The following PCDH11X variants were observed in gnomAD, a reference collection of about 807,000 sequenced individuals.
PCDH11X encodes the protein protocadherin-11 X-linked.
In PCDH11X, 18 loss-of-function variants were observed where a neutral mutation model predicts 53.3. The ratio of observed to expected loss-of-function variants is 0.34; its 90% CI spans 0.23 to 0.50. The LOEUF (loss-of-function observed/expected upper bound fraction) is 0.50, where lower values mean the gene tolerates loss of function less well. Among genes scored for constraint, PCDH11X ranks in the 20% least tolerant of loss-of-function variants. The pLI, the probability that PCDH11X is intolerant of heterozygous loss-of-function variation, is 0.98. For synonymous variants in PCDH11X, 279 were observed against 393.3 expected (o/e 0.71, Z 3.44); for missense variants, 570 against 1,032.4 (o/e 0.55, Z 6.14).
At chrX:91,817,082 A>G (rs1569393480) in intron 4 of PCDH11X, among the ~76,000 whole-genome samples, 1 of 111,279 alleles carries the variant, frequency 9.0e-6, no homozygotes. Context: ...ATTTTGGTAT[A>G]TTACCACTTC....
At chrX:92,143,664 T>C (rs961548201) in intron 6 of PCDH11X, among the ~76,000 whole-genome samples, 1 of 112,154 alleles carries the variant, frequency 8.9e-6, no homozygotes, top group East Asian at 2.8e-4. Flanking sequence ...AGGGGCGGGG[T>C]ACTCATGGAG....
chrX:91,873,771 C>T (rs974314627), intron 5 of PCDH11X, among the ~76,000 whole-genome samples: 3 of 111,361 alleles, frequency 2.7e-5, no homozygotes, highest in East Asian at 2.8e-4. Flanking sequence ...TAATTGGCTC[C>T]GAAACTTAAG....
intron 10 of PCDH11X, among the ~76,000 whole-genome samples, chrX:92,546,360 C>T (rs2074854852): frequency 1.8e-5 from 2 of 111,491 alleles, no homozygotes; most frequent in African/African-American, 6.5e-5. Flanking sequence ...GAGAAGACTG[C>T]ATTGATTTAA....
intron 7 of PCDH11X, among the ~76,000 whole-genome samples, chrX:92,211,836 A>C: frequency 9.0e-6 from 1 of 111,032 alleles, no homozygotes. Flanking sequence ...ACCCCAAAGG[A>C]AGATTTAGAT....
At chrX:92,300,970 G>C (rs746535950) in intron 8 of PCDH11X, among the ~76,000 whole-genome samples, 1 of 111,791 alleles carries the variant, frequency 8.9e-6, no homozygotes, top group Admixed American at 9.5e-5. Flanking sequence ...GCACAGTAGG[G>C]TGTATGTGCA....
At chrX:92,266,965 G>A (rs1433036578) in intron 8 of PCDH11X, among the ~76,000 whole-genome samples, 7 of 110,279 alleles carry the variant, frequency 6.3e-5, no homozygotes, top group African/African-American at 1.7e-4. Flanking sequence ...GGCTGGTCTC[G>A]AACTCCTGAC....
intron 6 of PCDH11X, among the ~76,000 whole-genome samples, chrX:92,066,996 T>C (rs1386372987): frequency 8.9e-6 from 1 of 111,887 alleles, no homozygotes; most frequent in East Asian, 2.8e-4. Flanking sequence ...TCCAGCTACT[T>C]GGGAGGCTGA....
chrX:92,005,185 A>C (rs2062578587), intron 6 of PCDH11X, among the ~76,000 whole-genome samples: 1 of 110,840 alleles, frequency 9.0e-6, no homozygotes, highest in Admixed American at 9.6e-5. Flanking sequence ...CAGTCTATTT[A>C]CATTTAATGT....
chrX:92,266,831 A>C (rs1485411145), intron 8 of PCDH11X, among the ~76,000 whole-genome samples: 1 of 107,296 alleles, frequency 9.3e-6, no homozygotes, highest in Non-Finnish European at 1.9e-5. Flanking sequence ...TGCAACCTCT[A>C]CCTCCCAGGT....
chrX:92,233,731 C>T (rs1237184725), intron 7 of PCDH11X, among the ~76,000 whole-genome samples: 1 of 112,111 alleles, frequency 8.9e-6, no homozygotes. Flanking sequence ...AAAGTAGCTA[C>T]ACTAGCCACA....
chrX:92,352,558 A>G (rs2070080143), intron 8 of PCDH11X, among the ~76,000 whole-genome samples: 1 of 110,524 alleles, frequency 9.0e-6, no homozygotes, highest in South Asian at 3.8e-4. Context: ...ATGTTAAGGA[A>G]CCTTGTTTCT....
At chrX:92,418,499 C>A (rs946059895) in intron 9 of PCDH11X, among the ~76,000 whole-genome samples, 16 of 110,192 alleles carry the variant, frequency 1.5e-4, no homozygotes, top group African/African-American at 4.6e-4. Context: ...TTTGTATTGC[C>A]CCTTTTCATT....
intron 6 of PCDH11X, among the ~76,000 whole-genome samples, chrX:92,147,821 T>TTTCTTTCTTTCTTTTTCTTTCTTTCTTTC (rs2065300787): frequency 1.1e-5 from 1 of 90,131 alleles, no homozygotes; most frequent in Non-Finnish European, 2.1e-5. Context: ...CTTTCTTTCT[T>TTTCTTTCTTTCTTTTTCTTTCTTTCTTTC]TCTTTCTTTC....
intron 6 of PCDH11X, among the ~76,000 whole-genome samples, chrX:91,914,982 A>C (rs1350534718): frequency 1.2e-4 from 13 of 110,686 alleles, no homozygotes; most frequent in Non-Finnish European, 2.5e-4. Context: ...AAGAATCTTA[A>C]GAGCTGTGAG....
Position 92,045,849 on chromosome X carries a change from G to T in PCDH11X, c.3034-155526G>T, listed in dbSNP as rs191230197. ...CAGCTACTGGGGGGCTGAGGCAGGA[G>T]GATCGCTTGAACCTGGAAGGCCGAG... On this transcript the variant is annotated intron_variant, in intron 6 of 10. Coordinates refer to ENST00000682573, the MANE Select transcript of PCDH11X (RefSeq NM_032968.5). Among the ~76,000 whole-genome samples the T allele has an allele frequency of 2.8e-5, 3 of 108,664 alleles. No individual in the cohort carries two copies. The East Asian group carries it at 8.8e-4, about 32-fold the overall frequency. 94.4% of individuals were successfully genotyped at this position (108,664 alleles called of 115,157 possible).
At chrX:91,886,986 AG>A (rs67357184) in intron 6 of PCDH11X, among the ~76,000 whole-genome samples, 11,875 of 86,782 alleles carry the variant, frequency 0.14, 1,236 homozygotes, top group East Asian at 0.19. Flanking sequence ...AAAAAAAAAA[AG>A]AAAAGAAAAG....
intron 9 of PCDH11X, among the ~76,000 whole-genome samples, chrX:92,444,873 A>G (rs2072600165): frequency 2.1e-5 from 2 of 93,336 alleles, no homozygotes; most frequent in South Asian, 1.1e-3. Context: ...TGATTTGTGT[A>G]TGTTGAATCA....
chrX:92,269,367 C>T (rs1033082099), intron 8 of PCDH11X, among the ~76,000 whole-genome samples: 2 of 112,074 alleles, frequency 1.8e-5, no homozygotes, highest in African/African-American at 6.5e-5. Context: ...TAGCTCACTA[C>T]ACATTAATAG....
chrX:92,232,376 T>C (rs2067092182), intron 7 of PCDH11X, among the ~76,000 whole-genome samples: 1 of 111,788 alleles, frequency 8.9e-6, no homozygotes, highest in Non-Finnish European at 1.9e-5. Context: ...AGTGAACCAC[T>C]AGATGGTGCA....
Sources: allele counts gnomAD v4.1 joint callset (sites outside exome capture counted in the v4.1 genomes callset), GRCh38; gene constraint gnomAD v4.1.1; transcripts MANE v1.5; gene names NCBI Gene and HGNC (gene_info 2026-07-23, HGNC 2026-07-21).